PCDHA13: variants seen among roughly 807,000 people sequenced by gnomAD.
The protein encoded by PCDHA13 is protocadherin alpha-13.
A neutral mutation model predicts 64.8 loss-of-function variants in PCDHA13; 54 were observed. The observed-to-expected ratio is 0.83, with a 90% confidence interval of 0.67 to 1.04. PCDHA13 has a LOEUF of 1.04. Ranked by LOEUF, PCDHA13 falls within the 50% of genes least tolerant of loss-of-function variation. PCDHA13 has a pLI of 0.00. For synonymous variants in PCDHA13, 587 were observed against 564.4 expected (o/e 1.04, Z -0.57); for missense variants, 1,248 against 1,254.3 (o/e 0.99, Z 0.08).
intron 1 of PCDHA13, among the ~76,000 whole-genome samples, chr5:140,914,725 T>C (rs1317424827): frequency 6.6e-6 from 1 of 152,164 alleles, no homozygotes; most frequent in African/African-American, 2.4e-5. Flanking sequence ...TTATTTTTTG[T>C]GTATCCATTG....
intron 1 of PCDHA13, among the ~76,000 whole-genome samples, chr5:140,898,104 A>G (rs1220718510): frequency 2.0e-5 from 3 of 152,110 alleles, no homozygotes; most frequent in Middle Eastern, 3.4e-3. Flanking sequence ...TTGTCAGATG[A>G]GTAGGTTGCG....
intron 1 of PCDHA13, among the ~76,000 whole-genome samples, chr5:140,965,073 TCTGA>T (rs1372324599): frequency 1.3e-5 from 2 of 152,186 alleles, no homozygotes; most frequent in African/African-American, 4.8e-5. Context: ...CAGGTCTCAC[TCTGA>T]CTTTGTTCCA....
At chr5:141,001,144 C>T (rs1225047253) in intron 3 of PCDHA13, among the ~76,000 whole-genome samples, 3 of 151,960 alleles carry the variant, frequency 2.0e-5, no homozygotes, top group Non-Finnish European at 4.4e-5. Context: ...TCTTCTGTTG[C>T]TCTGATCTTA....
intron 1 of PCDHA13, among the ~76,000 whole-genome samples, chr5:140,942,387 G>A (rs1398449068): frequency 1.3e-5 from 2 of 151,808 alleles, no homozygotes; most frequent in Admixed American, 1.3e-4. Context: ...ATTCCAGCCT[G>A]GGCGACAGAT....
Position 140,884,183 on chromosome 5 carries a change from G to T in PCDHA13, c.1915G>T (p.Glu639Ter), listed in dbSNP as rs201206731. 6.2e-6 allele frequency: 10 copies of T among 1,613,306 alleles called. No individual in the cohort carries two copies. The East Asian group carries it at 6.7e-5, about 11-fold the overall frequency. ...GEISTTRPLD[E>*]VDAPHHRLLV... is the part of the protein sequence containing the mutation. The stretch of plus-strand genomic sequence containing the variant: ...GATCAGCACGACGCGCCCTCTGGAC[G>T]AGGTGGACGCGCCGCACCACCGCCT... The change falls in exon 1 of 4, where the codon GAG (glutamate) becomes TAG (stop). Residue 639 changes from glutamate to a stop codon, truncating the protein, a stop_gained. Transcript: ENST00000289272. LOFTEE classifies it high-confidence loss of function.
At chr5:140,982,628 G>A (rs2096992254) in intron 3 of PCDHA13, 65 bp downstream of exon 3, 1 of 1,578,000 alleles carries the variant, frequency 6.3e-7, no homozygotes, top group African/African-American at 1.4e-5. Flanking sequence ...ACCTACTTTT[G>A]TAAGATCAGG....
chr5:141,007,377 AC>A lies in PCDHA13; in HGVS notation c.2543-2248del, dbSNP rs1563708435. Among the ~76,000 whole-genome samples, 4 of 136,616 alleles carry A rather than the reference AC, an allele frequency of 2.9e-5. No individual in the cohort carries two copies. The East Asian group carries it at 8.7e-4, about 30-fold the overall frequency. The allele number at this position is 136,616 out of a possible 152,430, so 89.6% of individuals were successfully genotyped here. ...ACCAGCCTGGGCAACATGATGGAAC[AC>A]CATCTCTACTAAAATACAAAAAAAA... On this transcript the variant is annotated intron_variant, in intron 3 of 3. Transcript: ENST00000289272.
At chr5:141,006,403 C>T (rs2098271999) in intron 3 of PCDHA13, among the ~76,000 whole-genome samples, 1 of 151,934 alleles carries the variant, frequency 6.6e-6, no homozygotes, top group Non-Finnish European at 1.5e-5. Context: ...TTAGTAGAGA[C>T]GCGGTTTCAC....
At chr5:140,967,221 A>G (rs1198233262) in intron 1 of PCDHA13, 3 of 1,613,620 alleles carry the variant, frequency 1.9e-6, no homozygotes, top group African/African-American at 1.3e-5. Context: ...CCGCGGCCCA[A>G]CTACCAGCTT....
chr5:140,977,335 A>T (rs1341928835), intron 1 of PCDHA13, among the ~76,000 whole-genome samples: 19 of 152,322 alleles, frequency 1.2e-4, no homozygotes, highest in Admixed American at 1.1e-3. Context: ...GAGGGGAGAG[A>T]CGGTGATGAT....
At chr5:140,900,920 T>C (rs539511607) in intron 1 of PCDHA13, among the ~76,000 whole-genome samples, 1 of 152,322 alleles carries the variant, frequency 6.6e-6, no homozygotes, top group South Asian at 2.1e-4. Context: ...TAAGATGATA[T>C]CTCATTGTAG....
chr5:140,887,788 G>A (rs1384145646), intron 1 of PCDHA13, among the ~76,000 whole-genome samples: 4 of 152,006 alleles, frequency 2.6e-5, no homozygotes, highest in Admixed American at 6.6e-5. Flanking sequence ...TCATTGAAGC[G>A]TTCTTTATTT....
chr5:140,968,694 G>A, intron 1 of PCDHA13: 1 of 1,614,092 alleles, frequency 6.2e-7, no homozygotes, highest in Non-Finnish European at 8.5e-7. Flanking sequence ...GGAGAAATTA[G>A]GACTACCAGG....
chr5:140,895,885 C>T (rs2065231883), intron 1 of PCDHA13, among the ~76,000 whole-genome samples: 1 of 152,174 alleles, frequency 6.6e-6, no homozygotes, highest in South Asian at 2.1e-4. Context: ...GATCTCGGCT[C>T]ACTGCAACCT....
chr5:140,907,491 C>A (rs1554193021), intron 1 of PCDHA13, among the ~76,000 whole-genome samples: 1 of 152,186 alleles, frequency 6.6e-6, no homozygotes, highest in Non-Finnish European at 1.5e-5. Flanking sequence ...AAACCCATAT[C>A]CAGAGTAAGT....
intron 1 of PCDHA13, among the ~76,000 whole-genome samples, chr5:140,939,605 G>GAACAAGGA (rs1468383916): frequency 1.3e-5 from 2 of 152,082 alleles, no homozygotes; most frequent in African/African-American, 4.8e-5. Flanking sequence ...CTCAAAAACA[G>GAACAAGGA]AACAAGGAGA....
At chr5:141,002,435 C>A (rs958320342) in intron 3 of PCDHA13, among the ~76,000 whole-genome samples, 3 of 152,280 alleles carry the variant, frequency 2.0e-5, no homozygotes, top group South Asian at 2.1e-4. Flanking sequence ...AGGCAATAAC[C>A]ATAATAATTG....
In PCDHA13 at chr5:140,978,698, A is replaced by C. The variant is rs150194035; in HGVS notation, c.2395-251A>C. 1.4e-3 allele frequency among the ~76,000 whole-genome samples: 215 copies of C among 152,372 alleles called. 5 individuals carry two copies. In the South Asian group the frequency reaches 0.033, roughly 23 times the overall value. ...ACATGTATTGGGCAAGGCAAAGCCA[A>C]AGGTGGCCTTTACAAGATTATTAAA... is the stretch of plus-strand genomic sequence containing the variant. On this transcript the variant is annotated intron_variant, in intron 1 of 3. Transcript: ENST00000289272.
intron 1 of PCDHA13, chr5:140,927,487 C>T: frequency 1.2e-6 from 2 of 1,614,142 alleles, no homozygotes; most frequent in Non-Finnish European, 1.7e-6. Context: ...GCGCGCCACC[C>T]ACCTGCTGGT....
Sources: allele counts gnomAD v4.1 joint callset (sites outside exome capture counted in the v4.1 genomes callset), GRCh38; gene constraint gnomAD v4.1.1; transcripts MANE v1.5; gene names NCBI Gene and HGNC (gene_info 2026-07-23, HGNC 2026-07-21).